The following PAH variants were observed in gnomAD, a reference collection of about 807,000 sequenced individuals.
PAH encodes phenylalanine-4-hydroxylase.
Under a neutral mutation model 62.0 loss-of-function variants are expected in PAH, and 64 were observed. The ratio of observed to expected loss-of-function variants is 1.03; its 90% CI spans 0.84 to 1.27. The LOEUF (loss-of-function observed/expected upper bound fraction) is 1.27. Among genes scored for constraint, PAH ranks in the 50% most tolerant of loss-of-function variants. The pLI, the probability that PAH is intolerant of heterozygous loss-of-function variation, is 0.00. For synonymous variants in PAH, 195 were observed against 196.2 expected (o/e 0.99, Z 0.05); for missense variants, 579 against 542.8 (o/e 1.07, Z -0.66).
At chr12:102,851,093 G>A (rs1722384) in intron 8 of PAH, among the ~76,000 whole-genome samples, 93,217 of 145,614 alleles carry the variant, frequency 0.64, 31,012 homozygotes, top group African/African-American at 0.78. Context: ...TGCCTTAAAA[G>A]AAAAAAAAAA....
At chr12:102,876,204 G>C (rs1307547561) in intron 4 of PAH, among the ~76,000 whole-genome samples, 1 of 152,124 alleles carries the variant, frequency 6.6e-6, no homozygotes, top group Non-Finnish European at 1.5e-5. Context: ...ATGCCCCTCT[G>C]TGTTTTCAAG....
intron 3 of PAH, among the ~76,000 whole-genome samples, chr12:102,893,541 C>T (rs557846367): frequency 2.0e-5 from 3 of 152,240 alleles, no homozygotes; most frequent in African/African-American, 4.8e-5. Context: ...ATAACAACCA[C>T]ATGCTATCAT....
chr12:102,840,941 A>T (rs1874569823), intron 11 of PAH, among the ~76,000 whole-genome samples: 1 of 152,218 alleles, frequency 6.6e-6, no homozygotes, highest in Non-Finnish European at 1.5e-5. Context: ...TGAAGAAAGC[A>T]CTATGTTAAT....
At chr12:102,842,283 G>C (rs1181619917) in intron 11 of PAH, among the ~76,000 whole-genome samples, 8 of 152,124 alleles carry the variant, frequency 5.3e-5, no homozygotes, top group African/African-American at 1.9e-4. Context: ...GCTGGAAGGA[G>C]GCTAGGCTCC....
At chr12:102,881,430 T>C (rs1876809606) in intron 3 of PAH, among the ~76,000 whole-genome samples, 1 of 152,136 alleles carries the variant, frequency 6.6e-6, no homozygotes, top group African/African-American at 2.4e-5. Context: ...AACATATTCA[T>C]CATCTCATGT....
At chr12:102,863,196 G>T (rs2136659161) in intron 5 of PAH, among the ~76,000 whole-genome samples, 2 of 152,232 alleles carry the variant, frequency 1.3e-5, no homozygotes, top group South Asian at 4.1e-4. Flanking sequence ...TATGTATAAA[G>T]TACCTAGTAT....
chr12:102,853,749 G>A (rs1875283526), intron 6 of PAH, among the ~76,000 whole-genome samples: 1 of 152,222 alleles, frequency 6.6e-6, no homozygotes, highest in Non-Finnish European at 1.5e-5. Context: ...GATAAGGATA[G>A]TGACAGTGAT....
rs534523239 is a variant in PAH at position 102,902,095 on chromosome 12, G to A, written c.169-7177C>T. On this transcript the variant is annotated intron_variant, in intron 2 of 12. Coordinates refer to ENST00000553106, the MANE Select transcript of PAH (RefSeq NM_000277.3). ...TATTTTTAAACAATGCAGCCACGAAGTCATAAAAAAATAAACAGGTAACCT... is the reference window on the plus strand; with the variant it reads ...TATTTTTAAACAATGCAGCCACGAAATCATAAAAAAATAAACAGGTAACCT... Among the ~76,000 whole-genome samples, 4 of 152,286 alleles carry A rather than the reference G, an allele frequency of 2.6e-5. No homozygotes were observed. The South Asian group carries it at 6.2e-4, about 24-fold the overall frequency.
intron 3 of PAH, among the ~76,000 whole-genome samples, chr12:102,894,457 T>C (rs1877410449): frequency 6.7e-6 from 1 of 149,474 alleles, no homozygotes; most frequent in South Asian, 2.1e-4. Context: ...AAGAAATAGC[T>C]ATCTTTAGGA....
intron 2 of PAH, among the ~76,000 whole-genome samples, chr12:102,896,870 G>T (rs1877526441): frequency 6.6e-6 from 1 of 152,178 alleles, no homozygotes; most frequent in Admixed American, 6.5e-5. Flanking sequence ...CTTGGACAAT[G>T]CAAGGATGAA....
intron 1 of PAH, among the ~76,000 whole-genome samples, chr12:102,923,992 C>T (rs1336556066): frequency 1.3e-5 from 2 of 152,320 alleles, no homozygotes; most frequent in East Asian, 1.9e-4. Flanking sequence ...CCTTTATACA[C>T]GAGTTAGGCA....
In PAH at chr12:102,958,078, G is replaced by T. The variant is rs1879981161; in HGVS notation, c.-96+117C>A. 9 of 474,136 alleles carry T rather than the reference G, an allele frequency of 1.9e-5. No homozygotes were observed. In the South Asian group the frequency reaches 3.5e-4, roughly 18 times the overall value. The allele number at this position is 474,136 out of a possible 1,614,324, so 29.4% of individuals were successfully genotyped here. ...TTGCTCCCACTCTAAGAAGTCTCCC[G>T]GGGATTTTGTATATATTTTTTAACT... On this transcript the variant is annotated intron_variant, in intron 1 of 4. Transcript: ENST00000551337.
intron 6 of PAH, among the ~76,000 whole-genome samples, chr12:102,853,900 T>A (rs552402972): frequency 1.3e-5 from 2 of 152,348 alleles, no homozygotes; most frequent in East Asian, 3.9e-4. Flanking sequence ...ATGGGAAAGC[T>A]GAGACAGAGA....
Position 102,866,605 on chromosome 12 carries a change from T to C in PAH, c.500A>G (p.Asn167Ser), listed in dbSNP as rs77554925. 7.5e-4 allele frequency: 1,216 copies of C among 1,613,450 alleles called. 9 individuals are homozygous for C. In the African/African-American group the frequency reaches 0.014, roughly 19 times the overall value. The change falls in exon 5 of 13, where the codon AAC (asparagine) becomes AGC (serine). Residue 167 changes from asparagine (N) to serine (S), a missense_variant. Physicochemically the swap from Asn to Ser is conservative, Grantham distance 46. Transcript: ENST00000553106. ...AGCAAGGCAGACTTACTGGCGGTAG[T>C]TGTAGGCAATGTCAGCAAACTGCTT... is the stretch of plus-strand genomic sequence containing the variant. ...RRKQFADIAY[N>S]YRHGQPIPRV...
chr12:102,894,799 C>T lies in PAH; in HGVS notation c.288G>A (p.Lys96=). 2 of 1,614,008 alleles carry T rather than the reference C, an allele frequency of 1.2e-6. No homozygotes were observed. The highest frequency in any genetic ancestry group is 1.7e-6 in the Non-Finnish European group (2 of 1,179,986). Residue 96 remains lysine (K), a synonymous_variant, in exon 3 of 13, where the codon AAG becomes AAA. Transcript: ENST00000553106. ...RSLPALTNII[K]ILRHDIGATV... ...TGGCACCAATGTCATGCCTCAAGAT[C>T]TTGATGATGTTTGTCAGAGCAGGCA...
chr12:102,914,082 T>C (rs917565404), intron 1 of PAH: 2 of 421,770 alleles, frequency 4.7e-6, no homozygotes, highest in Non-Finnish European at 8.4e-6. Flanking sequence ...TGAATACTGA[T>C]GACCCTTAGC....
intron 1 of PAH, among the ~76,000 whole-genome samples, chr12:102,935,282 T>C (rs1164869426): frequency 6.6e-6 from 1 of 152,046 alleles, no homozygotes; most frequent in Non-Finnish European, 1.5e-5. Context: ...AAACGTGATA[T>C]TGAATTTCTT....
At chr12:102,925,547 T>A (rs1878661227) in intron 1 of PAH, among the ~76,000 whole-genome samples, 1 of 152,168 alleles carries the variant, frequency 6.6e-6, no homozygotes, top group Non-Finnish European at 1.5e-5. Flanking sequence ...GATTTACTTG[T>A]CCTAAAACTG....
At chr12:102,937,759 A>G (rs1032500476) in intron 1 of PAH, among the ~76,000 whole-genome samples, 2 of 152,230 alleles carry the variant, frequency 1.3e-5, no homozygotes, top group African/African-American at 4.8e-5. Context: ...TAGTATTACC[A>G]GTAAGTTTTT....
Sources: allele counts gnomAD v4.1 joint callset (sites outside exome capture counted in the v4.1 genomes callset), GRCh38; gene constraint gnomAD v4.1.1; transcripts MANE v1.5; gene names NCBI Gene and HGNC (gene_info 2026-07-23, HGNC 2026-07-21).